The following SLC2A9 variants were observed in gnomAD, a reference collection of about 807,000 sequenced individuals.
SLC2A9 encodes the protein solute carrier family 2 member 9, also known as solute carrier family 2, facilitated glucose transporter member 9.
In SLC2A9, 39 loss-of-function variants were observed where a neutral mutation model predicts 50.6. The observed-to-expected ratio is 0.77, with a 90% CI of 0.60 to 1.01. SLC2A9 has a LOEUF of 1.01. Among genes scored for constraint, SLC2A9 ranks in the 50% least tolerant of loss-of-function variants. The pLI is 0.00. For synonymous variants in SLC2A9, 324 were observed against 276.9 expected (o/e 1.17, Z -1.69); for missense variants, 686 against 677.6 (o/e 1.01, Z -0.14).
At chr4:9,973,190 T>A (rs914009815) in intron 5 of SLC2A9, among the ~76,000 whole-genome samples, 2 of 152,164 alleles carry the variant, frequency 1.3e-5, no homozygotes, top group South Asian at 2.1e-4. Context: ...AACTAGAAAA[T>A]CTAGAGGAAA....
chr4:9,827,071 G>T (rs1725267525), intron 11 of SLC2A9, among the ~76,000 whole-genome samples: 1 of 152,180 alleles, frequency 6.6e-6, no homozygotes, highest in Non-Finnish European at 1.5e-5. Flanking sequence ...ATATGCAAAT[G>T]ATCTAACTCA....
downstream of SLC2A9, among the ~76,000 whole-genome samples, chr4:9,777,046 C>A (rs906535112): frequency 5.3e-5 from 8 of 152,210 alleles, no homozygotes; most frequent in Non-Finnish European, 8.8e-5. Flanking sequence ...TCCAGCTACT[C>A]CCTCTTTTGT....
chr4:9,782,442 G>T lies in SLC2A9; in HGVS notation n.386-2377C>A, dbSNP rs773390586. The T allele has an allele frequency of 5.0e-6, 8 of 1,613,974 alleles. No homozygotes were observed. The Admixed American group carries it at 1.2e-4, about 24-fold the overall frequency. On this transcript the variant is annotated intron_variant and non_coding_transcript_variant, in intron 3 of 3. Coordinates refer to the SLC2A9 transcript ENST00000503803. ...AACCTGTGCGTCATCAGCGTGGACC[G>T]CTACTGGGCCATCTCCAGGCCCTTC...
At chr4:9,776,667 T>A (rs6816064), downstream of SLC2A9, among the ~76,000 whole-genome samples, 1 of 152,118 alleles carries the variant, frequency 6.6e-6, no homozygotes, top group African/African-American at 2.4e-5. Flanking sequence ...AGGGTCTGAG[T>A]TGGGAGAAGG....
At chr4:10,030,685 A>G (rs1011961073) in intron 1 of SLC2A9, among the ~76,000 whole-genome samples, 1 of 152,178 alleles carries the variant, frequency 6.6e-6, no homozygotes, top group African/African-American at 2.4e-5. Context: ...TCCACAACCA[A>G]CCAAAAGTCA....
At chr4:9,984,866 G>A (rs1756447471) in intron 4 of SLC2A9, among the ~76,000 whole-genome samples, 1 of 152,016 alleles carries the variant, frequency 6.6e-6, no homozygotes, top group African/African-American at 2.4e-5. Flanking sequence ...CTGCATACTC[G>A]GCACAGGCAC....
intron 7 of SLC2A9, among the ~76,000 whole-genome samples, chr4:9,911,130 C>A (rs1741697367): frequency 6.6e-6 from 1 of 151,832 alleles, no homozygotes; most frequent in Admixed American, 6.6e-5. Flanking sequence ...CACAGGTATC[C>A]CAGAACTTAA....
intron 3 of SLC2A9, among the ~76,000 whole-genome samples, chr4:9,804,930 G>T (rs1721924369): frequency 1.3e-5 from 2 of 152,196 alleles, no homozygotes; most frequent in Non-Finnish European, 2.9e-5. Context: ...CAGCCCTGTT[G>T]TTAGGGACAG....
chr4:9,813,720 G>A (rs1723176678), intron 3 of SLC2A9, among the ~76,000 whole-genome samples: 1 of 152,152 alleles, frequency 6.6e-6, no homozygotes, highest in African/African-American at 2.4e-5. Context: ...AGGCTTCTAT[G>A]GAAGTCAAAA....
intron 10 of SLC2A9, among the ~76,000 whole-genome samples, chr4:9,856,365 T>G (rs988787992): frequency 9.2e-5 from 14 of 152,114 alleles, no homozygotes; most frequent in African/African-American, 3.4e-4. Context: ...TAATAAAAAA[T>G]GCTCAATATC....
intron 3 of SLC2A9, among the ~76,000 whole-genome samples, chr4:9,990,462 C>A (rs997688022): frequency 6.6e-6 from 1 of 152,126 alleles, no homozygotes; most frequent in East Asian, 1.9e-4. Flanking sequence ...GAAATGAGTA[C>A]AACCCAAAAT....
intron 5 of SLC2A9, among the ~76,000 whole-genome samples, chr4:9,975,952 T>C (rs947340235): frequency 2.2e-4 from 33 of 152,144 alleles, no homozygotes; most frequent in African/African-American, 7.2e-4. Flanking sequence ...CGCAGCAACA[T>C]AGATGGAGCT....
chr4:9,794,168 T>C (rs1268203621), downstream of SLC2A9, among the ~76,000 whole-genome samples: 1 of 149,348 alleles, frequency 6.7e-6, no homozygotes, highest in Non-Finnish European at 1.5e-5. Context: ...GTGTGTGTGA[T>C]ATGGAGTTTC....
At chr4:9,828,397 A>C (rs1324214820) in intron 11 of SLC2A9, among the ~76,000 whole-genome samples, 2 of 152,200 alleles carry the variant, frequency 1.3e-5, no homozygotes, top group Non-Finnish European at 2.9e-5. Context: ...AGCCAGAGTG[A>C]TCCTGTTAAA....
At chr4:10,004,805 T>C (rs1348313412) in intron 2 of SLC2A9, among the ~76,000 whole-genome samples, 3 of 152,218 alleles carry the variant, frequency 2.0e-5, no homozygotes. Context: ...GGCTTGGAGA[T>C]ATAAACCTTT....
chr4:9,856,793 A>G (rs942368585), intron 10 of SLC2A9, among the ~76,000 whole-genome samples: 1 of 152,252 alleles, frequency 6.6e-6, no homozygotes. Flanking sequence ...ATAAAAAAGA[A>G]AAAGATCACG....
chr4:9,797,983 G>A (rs183006594), downstream of SLC2A9, among the ~76,000 whole-genome samples: 431 of 152,340 alleles, frequency 2.8e-3, 4 homozygotes, highest in African/African-American at 9.3e-3. Flanking sequence ...GGGGCTAGAT[G>A]AAAGTGTGTG....
At chr4:10,028,448 C>T (rs1763823944) in intron 1 of SLC2A9, among the ~76,000 whole-genome samples, 1 of 152,172 alleles carries the variant, frequency 6.6e-6, no homozygotes, top group South Asian at 2.1e-4. Flanking sequence ...AGGTTCCAAC[C>T]CTGGGTCTGC....
chr4:9,931,415 A>T (rs1745889830), intron 6 of SLC2A9, among the ~76,000 whole-genome samples: 1 of 152,202 alleles, frequency 6.6e-6, no homozygotes, highest in African/African-American at 2.4e-5. Context: ...ATCTTGCCCC[A>T]GTTACAGATT....
Sources: allele counts gnomAD v4.1 joint callset (sites outside exome capture counted in the v4.1 genomes callset), GRCh38; gene constraint gnomAD v4.1.1; transcripts MANE v1.5; gene names NCBI Gene and HGNC (gene_info 2026-07-23, HGNC 2026-07-21).